Variants in STARD8 observed in about 807,000 individuals in gnomAD.
The protein encoded by STARD8 is StAR related lipid transfer domain containing 8.
Under a neutral mutation model 69.4 loss-of-function variants are expected in STARD8, and 25 were observed. That is an observed-to-expected ratio of 0.36 (90% confidence interval 0.26 to 0.50). The LOEUF (loss-of-function observed/expected upper bound fraction) is 0.50. Ranked by LOEUF, STARD8 falls within the 20% of genes least tolerant of loss-of-function variation. STARD8 has a pLI of 0.96. For missense variants in STARD8, 921 were observed against 932.5 expected (o/e 0.99, Z 0.16); for synonymous variants, 389 against 374.6 (o/e 1.04, Z -0.45).
At chrX:68,661,945 CCTCT>C (rs748990661) in intron 1 of STARD8, among the ~76,000 whole-genome samples, 992 of 72,278 alleles carry the variant, frequency 0.014, 10 homozygotes, top group Non-Finnish European at 0.019. Context: ...CTCCCTCCTT[CCTCT>C]CTCTCTCTCT....
chrX:68,723,307 G>A (rs1270806377), intron 12 of STARD8, among the ~76,000 whole-genome samples: 1 of 112,773 alleles, frequency 8.9e-6, no homozygotes, highest in Non-Finnish European at 1.9e-5. Flanking sequence ...GTGCTAGATG[G>A]CAAGCTCCTT....
At chrX:68,685,760 A>T (rs776810454) in intron 2 of STARD8, among the ~76,000 whole-genome samples, 1 of 112,594 alleles carries the variant, frequency 8.9e-6, no homozygotes, top group Non-Finnish European at 1.9e-5. Context: ...ATAAGGACTG[A>T]TTCCACTTCA....
At position 68,647,712 on chromosome X, in the gene STARD8, G is replaced by A; in HGVS notation, c.-171G>A. On this transcript the variant is annotated 5_prime_UTR_variant, in exon 1 of 15. Transcript: ENST00000374599. Reference sequence around the variant, plus strand: ...AGGCGCCCGCTGTCGAGGCAGCTGAGCCCCGGCAACCGCTGCTCTCCGCCT... The same window carrying A: ...AGGCGCCCGCTGTCGAGGCAGCTGAACCCCGGCAACCGCTGCTCTCCGCCT... The A allele has an allele frequency of 1.7e-6, 1 of 588,307 alleles. No individual in the cohort carries two copies. The highest frequency in any genetic ancestry group is 2.5e-6 in the Non-Finnish European group (1 of 393,605). 48.5% of individuals were successfully genotyped at this position (588,307 alleles called of 1,213,427 possible).
At chrX:68,686,270 C>A (rs1252236667) in intron 2 of STARD8, among the ~76,000 whole-genome samples, 1 of 108,699 alleles carries the variant, frequency 9.2e-6, no homozygotes. Flanking sequence ...TTTCTAATTG[C>A]GACTGAGGGG....
chrX:68,716,244 C>T (rs775642670), intron 4 of STARD8, 124 bp from the exon 5 acceptor site: 10 of 590,143 alleles, frequency 1.7e-5, no homozygotes, highest in Admixed American at 9.1e-5. Context: ...TAAACCTTCA[C>T]GAATATTGGA....
chrX:68,684,482 T>G (rs1429560905), intron 2 of STARD8, among the ~76,000 whole-genome samples: 1 of 112,698 alleles, frequency 8.9e-6, no homozygotes, highest in Non-Finnish European at 1.9e-5. Flanking sequence ...TGTCCCACAC[T>G]CCCGCCCAAC....
At chrX:68,701,694 G>A (rs980960391) in intron 2 of STARD8, among the ~76,000 whole-genome samples, 3 of 111,977 alleles carry the variant, frequency 2.7e-5, no homozygotes, top group African/African-American at 9.7e-5. Flanking sequence ...GGGCAGTGGG[G>A]GTGGCAGTGT....
At chrX:68,680,631 G>A in intron 2 of STARD8, among the ~76,000 whole-genome samples, 1 of 112,151 alleles carries the variant, frequency 8.9e-6, no homozygotes, top group Non-Finnish European at 1.9e-5. Context: ...CAAGGCATGT[G>A]TTACTGTGTG....
At chrX:68,691,886 G>A (rs2079879244) in intron 2 of STARD8, among the ~76,000 whole-genome samples, 1 of 112,300 alleles carries the variant, frequency 8.9e-6, no homozygotes, top group African/African-American at 3.2e-5. Flanking sequence ...TTTATTTTTG[G>A]TTGTGCTTTG....
At chrX:68,657,542 A>G (rs2079618513) in intron 1 of STARD8, among the ~76,000 whole-genome samples, 1 of 112,183 alleles carries the variant, frequency 8.9e-6, no homozygotes, top group African/African-American at 3.2e-5. Flanking sequence ...TTTAGTCCAG[A>G]AAATTTCAGT....
At chrX:68,715,431 C>G in intron 4 of STARD8, 56 bp downstream of exon 4, 1 of 1,051,067 alleles carries the variant, frequency 9.5e-7, no homozygotes. Context: ...GAAGCTTCCT[C>G]GTGGAAAAAA....
intron 3 of STARD8, among the ~76,000 whole-genome samples, chrX:68,715,043 G>C (rs1359283310): frequency 9.0e-6 from 1 of 110,917 alleles, no homozygotes; most frequent in African/African-American, 3.4e-5. Flanking sequence ...TCTTGGGCCT[G>C]CTATCTCCCA....
chrX:68,672,288 A>T (rs907894560), intron 2 of STARD8, among the ~76,000 whole-genome samples: 3 of 111,704 alleles, frequency 2.7e-5, no homozygotes, highest in Non-Finnish European at 5.6e-5. Flanking sequence ...AAGGTAGGAG[A>T]GATCTTATAG....
chrX:68,702,894 T>C (rs1451030169), intron 2 of STARD8, among the ~76,000 whole-genome samples: 2 of 111,783 alleles, frequency 1.8e-5, no homozygotes, highest in African/African-American at 6.5e-5. Flanking sequence ...GTATAACTAT[T>C]AGTGTCTGCT....
chrX:68,723,510 T>G, intron 12 of STARD8, 116 bp from the exon 13 acceptor site: 1 of 632,314 alleles, frequency 1.6e-6, no homozygotes, highest in Non-Finnish European at 2.4e-6. Context: ...GCAGAGGAGC[T>G]CTGCAGCCTA....
At position 68,722,091 on chromosome X, in the gene STARD8, A is replaced by T; in HGVS notation, c.2504A>T (p.Asp835Val). ...CTCATTGGCAGGCCAGGCCCTAGGG[A>T]CCTGAGTGACAACATGGCAGCCACC... ...RSLIGRPGPRDLSDNMAATQG... is the reference protein window; with the variant it reads ...RSLIGRPGPRVLSDNMAATQG... Residue 835 changes from aspartate to valine, a missense_variant, in exon 11 of 15, where the codon GAC (aspartate) becomes GTC (valine). Coordinates refer to ENST00000374599, the MANE Select transcript of STARD8 (RefSeq NM_001142503.3). 8.3e-7 allele frequency: 1 copy of T among 1,206,710 alleles called. No homozygotes were observed. The highest frequency in any genetic ancestry group is 1.1e-6 in the Non-Finnish European group (1 of 891,842).
At chrX:68,684,321 G>A (rs1486472527) in intron 2 of STARD8, among the ~76,000 whole-genome samples, 2 of 112,508 alleles carry the variant, frequency 1.8e-5, no homozygotes, top group Non-Finnish European at 3.8e-5. Context: ...GTGAATCTTC[G>A]GAGCTCTTTC....
chrX:68,687,088 T>TTA (rs1407899443), intron 2 of STARD8, among the ~76,000 whole-genome samples: 2 of 110,772 alleles, frequency 1.8e-5, no homozygotes, highest in Non-Finnish European at 3.8e-5. Context: ...ATCCTTTTAT[T>TTA]TTTATTTATT....
At chrX:68,652,133 C>T (rs2079552077) in intron 1 of STARD8, among the ~76,000 whole-genome samples, 1 of 110,350 alleles carries the variant, frequency 9.1e-6, no homozygotes, top group African/African-American at 3.3e-5. Context: ...GCGGGAATTA[C>T]AGGCGTAAGT....
Sources: gnomAD v4.1 joint callset for allele counts (sites outside exome capture counted in the v4.1 genomes callset) on GRCh38, gnomAD v4.1.1 for gene constraint, MANE v1.5 for transcripts, NCBI Gene and HGNC (gene_info 2026-07-23, HGNC 2026-07-21) for gene names.